ABHD2: variants seen among roughly 807,000 people sequenced by gnomAD.
The protein encoded by ABHD2 is abhydrolase domain containing 2, acylglycerol lipase, also known as monoacylglycerol lipase ABHD2.
ABHD2 carries 20 observed loss-of-function variants against 48.1 expected under a neutral mutation model. That is an observed-to-expected ratio of 0.42 (90% CI 0.29 to 0.60). ABHD2 has a LOEUF of 0.60. ABHD2 is among the 20% of genes least tolerant of loss of function. The probability of loss-of-function intolerance (pLI) is 0.24; values close to 1 mark genes in which losing one functional copy is unlikely to be tolerated. For synonymous variants in ABHD2, 209 were observed against 214.2 expected (o/e 0.98, Z 0.21); for missense variants, 405 against 550.9 (o/e 0.74, Z 2.65).
the ABHD2 span, among the ~76,000 whole-genome samples, chr15:89,074,540 A>C: frequency 2.6e-5 from 4 of 152,222 alleles, no homozygotes; most frequent in African/African-American, 9.6e-5. Flanking sequence ...CCACTGAAAC[A>C]CTGAGCCATT....
the ABHD2 span, among the ~76,000 whole-genome samples, chr15:89,059,556 A>G: frequency 3.3e-5 from 5 of 152,154 alleles, no homozygotes; most frequent in East Asian, 9.6e-4. Flanking sequence ...GAAAGGGGAA[A>G]AAAACCTCTT....
chr15:89,041,636 T>C, the ABHD2 span, among the ~76,000 whole-genome samples: 3 of 152,206 alleles, frequency 2.0e-5, no homozygotes, highest in African/African-American at 7.2e-5. Context: ...TCTGGGTAGA[T>C]GTCCTAGGAG....
At position 89,116,896 on chromosome 15, in the gene ABHD2, CA is replaced by C. The variant is rs781083070; in HGVS notation, c.194+381del. Among the ~76,000 whole-genome samples, 5 of 152,106 alleles carry C rather than the reference CA, an allele frequency of 3.3e-5. No homozygotes were observed. Among genetic ancestry groups the C allele is most frequent in the Non-Finnish European group, 7.4e-5 (5 of 68,020 alleles). On this transcript the variant is annotated intron_variant, in intron 3 of 10. Transcript: ENST00000352732. This position sits in a 1 kb window ranked among gnomAD's most constrained non-coding sequence, Gnocchi z 4.6. ...ATCCTCACCCAAAATAATTAATAAGCAAAAAAGCACAGATCCATTAGTTGAG... is the reference window on the plus strand; with the variant it reads ...ATCCTCACCCAAAATAATTAATAAGCAAAAAGCACAGATCCATTAGTTGAG...
chr15:89,192,114 A>G (rs2051316215), intron 9 of ABHD2, among the ~76,000 whole-genome samples: 1 of 152,182 alleles, frequency 6.6e-6, no homozygotes, highest in Non-Finnish European at 1.5e-5. Flanking sequence ...CAAACACAGG[A>G]CTTCCCATTT....
Position 89,141,761 on chromosome 15 carries a change from C to T in ABHD2, c.195-9916C>T, listed in dbSNP as rs2050406833. 3.3e-5 allele frequency among the ~76,000 whole-genome samples: 5 copies of T among 152,320 alleles called. No individual in the cohort carries two copies. The South Asian group carries it at 1.0e-3, about 32-fold the overall frequency. On this transcript the variant is annotated intron_variant, in intron 3 of 10. Coordinates refer to ENST00000352732, the MANE Select transcript of ABHD2 (RefSeq NM_152924.5). ...TACCCTTTCTCCTGTTTAGTGCCAG[C>T]TTCTGGCTTGGAAGCCCACGTTGAC...
At chr15:89,071,569 A>G in the ABHD2 span, among the ~76,000 whole-genome samples, 2 of 152,140 alleles carry the variant, frequency 1.3e-5, no homozygotes, top group Non-Finnish European at 2.9e-5. Context: ...TCCCCTTAAC[A>G]ACCTTCACCT....
chr15:89,156,211 C>G (rs1295996517), intron 5 of ABHD2, among the ~76,000 whole-genome samples: 1 of 150,054 alleles, frequency 6.7e-6, no homozygotes, highest in Non-Finnish European at 1.5e-5. Context: ...GGCTCCGCCT[C>G]CTGAGTTCAC....
rs562417731 is a variant in ABHD2, at chr15:89,185,319, C to T, written c.723-105C>T. The stretch of plus-strand genomic sequence containing the variant: ...AATGCAGAGGCCACAGCCTGAGAGC[C>T]GGCCCTCTCCACACAAGCACCTCAC... On this transcript the variant is annotated intron_variant, in intron 6 of 10. Coordinates refer to ENST00000352732, the MANE Select transcript of ABHD2 (RefSeq NM_152924.5). This position sits in a 1 kb window ranked among gnomAD's most constrained non-coding sequence, Gnocchi z 5.9. The T allele has an allele frequency of 3.4e-5, 26 of 775,974 alleles. No homozygotes were observed. The highest frequency in any genetic ancestry group is 2.3e-4 in the African/African-American group (13 of 57,202). 48.1% of individuals were successfully genotyped at this position (775,974 alleles called of 1,614,324 possible).
rs149647801 is a variant in ABHD2 at position 89,126,357 on chromosome 15, A to G, written c.194+9836A>G. 2.0e-5 allele frequency among the ~76,000 whole-genome samples: 3 copies of G among 152,344 alleles called. No individual in the cohort carries two copies. In the East Asian group the frequency reaches 5.8e-4, roughly 29 times the overall value. On this transcript the variant is annotated intron_variant, in intron 3 of 10. Transcript: ENST00000352732. ...ACCTCATTTGCTTTACAGGACTTAC[A>G]TGGAATCAGATCTACTTTTATACTC...
chr15:89,053,416 C>T, the ABHD2 span, among the ~76,000 whole-genome samples: 1 of 152,170 alleles, frequency 6.6e-6, no homozygotes, highest in Non-Finnish European at 1.5e-5. Context: ...AATCTCACCA[C>T]CCTAGTAGAA....
At chr15:89,062,363 G>A in the ABHD2 span, among the ~76,000 whole-genome samples, 1 of 151,766 alleles carries the variant, frequency 6.6e-6, no homozygotes, top group Non-Finnish European at 1.5e-5. Flanking sequence ...TTTTTGTGTG[G>A]GGGGGTGGGT....
intron 1 of ABHD2, among the ~76,000 whole-genome samples, chr15:89,109,317 A>C (rs1020533236): frequency 2.6e-5 from 4 of 152,218 alleles, no homozygotes; most frequent in Admixed American, 6.5e-5. Context: ...TCCTTTGTTA[A>C]TGCGGACTAT....
At chr15:89,078,725 C>CTTTT in the ABHD2 span, among the ~76,000 whole-genome samples, 31 of 143,614 alleles carry the variant, frequency 2.2e-4, no homozygotes, top group Non-Finnish European at 2.9e-4. Context: ...ACAATGTAGG[C>CTTTT]TTTTTTTTTT....
chr15:89,120,041 G>A lies in ABHD2; in HGVS notation c.194+3520G>A, dbSNP rs768444378. ...CGGGTAGCTGGTTATGATGACATGCGCGGAATCAGGACGTGTCTTCTTACT... is the reference window on the plus strand; with the variant it reads ...CGGGTAGCTGGTTATGATGACATGCACGGAATCAGGACGTGTCTTCTTACT... On this transcript the variant is annotated intron_variant, in intron 3 of 10. Transcript: ENST00000352732. The surrounding 1 kb of genome is among the most constrained non-coding windows in gnomAD (Gnocchi z 4.2). Among the ~76,000 whole-genome samples, 8 of 152,150 alleles carry A rather than the reference G, an allele frequency of 5.3e-5. No individual in the cohort carries two copies. Among genetic ancestry groups the A allele is most frequent in the Non-Finnish European group, 1.2e-4 (8 of 68,040 alleles).
rs57813229 is a variant in ABHD2 at position 89,100,284 on chromosome 15, A to ATT, written c.-107+11737_-107+11738dup. Among the ~76,000 whole-genome samples the ATT allele has an allele frequency of 1.4e-4, 20 of 141,226 alleles. No homozygotes were observed. Among genetic ancestry groups the ATT allele is most frequent in the African/African-American group, 4.4e-4 (17 of 38,370 alleles). The allele number at this position is 141,226 out of a possible 152,430, so 92.6% of individuals were successfully genotyped here. ...CTCCCAAGTTCACATTGTGTTGTTAATTTTTTTTTTTTTTTTTAAGAGACA... is the reference window on the plus strand; with the variant it reads ...CTCCCAAGTTCACATTGTGTTGTTAATTTTTTTTTTTTTTTTTTTAAGAGACA... On this transcript the variant is annotated intron_variant, in intron 1 of 10. Coordinates refer to ENST00000352732, the MANE Select transcript of ABHD2 (RefSeq NM_152924.5). This position sits in a 1 kb window ranked among gnomAD's most constrained non-coding sequence, Gnocchi z 4.4.
the ABHD2 span, among the ~76,000 whole-genome samples, chr15:89,061,974 A>G: frequency 6.6e-6 from 1 of 152,188 alleles, no homozygotes; most frequent in Non-Finnish European, 1.5e-5. Context: ...CATGATCAGG[A>G]GGCTGAAGCT....
At chr15:89,121,753 G>T (rs1003816535) in intron 3 of ABHD2, among the ~76,000 whole-genome samples, 1 of 152,120 alleles carries the variant, frequency 6.6e-6, no homozygotes, top group Admixed American at 6.5e-5. Context: ...TTGGGCTGTT[G>T]TTTCCCCACT....
At chr15:89,096,939 T>C (rs2049622387) in intron 1 of ABHD2, among the ~76,000 whole-genome samples, 1 of 152,240 alleles carries the variant, frequency 6.6e-6, no homozygotes, top group African/African-American at 2.4e-5. Flanking sequence ...ACCTAAACTC[T>C]TGCCAGAATT....
intron 1 of ABHD2, among the ~76,000 whole-genome samples, chr15:89,098,396 C>T (rs948657325): frequency 3.9e-5 from 6 of 152,012 alleles, no homozygotes; most frequent in Non-Finnish European, 8.8e-5. Context: ...GAGCTCTTTC[C>T]CTGCTGGACG....
Sources: gnomAD v4.1 joint callset for allele counts (sites outside exome capture counted in the v4.1 genomes callset) on GRCh38, gnomAD v4.1.1 for gene constraint, Gnocchi (gnomAD v3.1) non-coding constraint, MANE v1.5 for transcripts, NCBI Gene and HGNC (gene_info 2026-07-23, HGNC 2026-07-21) for gene names.